Variants in LAMC1 observed in about 807,000 individuals in gnomAD.
The protein encoded by LAMC1 is laminin subunit gamma-1.
LAMC1 carries 38 observed loss-of-function variants against 173.6 expected under a neutral mutation model. That is an observed-to-expected ratio of 0.22 (90% CI 0.17 to 0.29). The LOEUF is 0.29. Ranked by LOEUF, LAMC1 falls within the 10% of genes least tolerant of loss-of-function variation. The pLI, the probability that LAMC1 is intolerant of heterozygous loss-of-function variation, is 1.00. For missense variants in LAMC1, 1,824 were observed against 2,051.8 expected, an observed-to-expected ratio of 0.89 and a Z score of 2.14; for synonymous variants, 746 against 749.1, an observed-to-expected ratio of 1.00 and a Z score of 0.07.
At chr1:183,092,943 C>A (rs1369511005) in intron 1 of LAMC1, among the ~76,000 whole-genome samples, 1 of 152,112 alleles carries the variant, frequency 6.6e-6, no homozygotes, top group African/African-American at 2.4e-5. Flanking sequence ...TTCTTGAACA[C>A]CCCTTTCCCC....
At chr1:183,086,981 C>A (rs1242447344) in intron 1 of LAMC1, among the ~76,000 whole-genome samples, 1 of 152,126 alleles carries the variant, frequency 6.6e-6, no homozygotes, top group East Asian at 1.9e-4. Flanking sequence ...TAGATGTATA[C>A]ATTAAAGTTC....
intron 1 of LAMC1, among the ~76,000 whole-genome samples, chr1:183,050,006 A>C (rs1654373897): frequency 6.6e-6 from 1 of 152,078 alleles, no homozygotes. Context: ...TGCATAATAC[A>C]CTTAGAATCT....
In LAMC1 at chr1:183,116,679, G is replaced by A; in HGVS notation, c.1427+4G>A. On this transcript the variant is annotated splice_donor_region_variant and intron_variant, in intron 7 of 27. Coordinates refer to ENST00000258341, the MANE Select transcript of LAMC1 (RefSeq NM_002293.4). ...TCGAAGGCTTCAATTGTGAAAGGTA[G>A]TGCATTCTTTCTCTAGCTGCATTGT... The A allele has an allele frequency of 6.2e-7, 1 of 1,611,440 alleles. No homozygotes were observed. Among genetic ancestry groups the A allele is most frequent in the Non-Finnish European group, 8.5e-7 (1 of 1,177,656 alleles).
intron 1 of LAMC1, among the ~76,000 whole-genome samples, chr1:183,060,188 G>A (rs910413446): frequency 1.3e-5 from 2 of 152,080 alleles, no homozygotes; most frequent in African/African-American, 2.4e-5. Context: ...CCTTGTGAAT[G>A]TGCCTTTCCC....
chr1:183,142,645 A>G lies in LAMC1; in HGVS notation c.4685A>G (p.Glu1562Gly). 1 of 1,614,180 alleles carries G rather than the reference A, an allele frequency of 6.2e-7. No individual in the cohort carries two copies. Among genetic ancestry groups the G allele is most frequent in the Non-Finnish European group, 8.5e-7 (1 of 1,180,004 alleles). Residue 1562 changes from glutamate to glycine, a missense_variant, in exon 28 of 28, where the codon GAG becomes GGG. Transcript: ENST00000258341. ...SDLDRKVSDL[E>G]NEAKKQEAAI... is the part of the protein sequence containing the mutation. Reference sequence around the variant, plus strand: ...CTTGATAGGAAAGTGTCTGACCTGGAGAATGAAGCCAAGAAGCAGGAGGCT... The same window carrying G: ...CTTGATAGGAAAGTGTCTGACCTGGGGAATGAAGCCAAGAAGCAGGAGGCT...
intron 2 of LAMC1, among the ~76,000 whole-genome samples, chr1:183,106,556 CAT>C (rs1335171188): frequency 3.3e-5 from 5 of 152,174 alleles, no homozygotes; most frequent in African/African-American, 1.2e-4. Flanking sequence ...CTTCTGAAAA[CAT>C]AGATGTCTGC....
chr1:183,048,704 G>A (rs1169382089), intron 1 of LAMC1, among the ~76,000 whole-genome samples: 1 of 152,132 alleles, frequency 6.6e-6, no homozygotes, highest in Non-Finnish European at 1.5e-5. Context: ...TTTATTTTGG[G>A]ATGGTAAAGG....
intron 11 of LAMC1, among the ~76,000 whole-genome samples, chr1:183,118,647 C>T (rs534085687): frequency 3.3e-5 from 5 of 151,406 alleles, no homozygotes; most frequent in East Asian, 1.9e-4. Context: ...CGCTTAAACC[C>T]GGGAGGCAGT....
At chr1:183,125,123 AT>A (rs1196948920) in intron 14 of LAMC1, 1 of 592,570 alleles carries the variant, frequency 1.7e-6, no homozygotes, top group African/African-American at 1.9e-5. Flanking sequence ...TATTTAATAT[AT>A]CCAACATATG....
intron 12 of LAMC1, 38 bp downstream of exon 12, chr1:183,121,982 C>G (rs376901407): frequency 1.9e-6 from 3 of 1,608,738 alleles, no homozygotes; most frequent in Admixed American, 3.3e-5. Flanking sequence ...CCTAACTTCT[C>G]TTTAGCAATT....
chr1:183,038,224 T>TG, intron 1 of LAMC1, among the ~76,000 whole-genome samples: 1 of 152,020 alleles, frequency 6.6e-6, no homozygotes, highest in Admixed American at 6.6e-5. Flanking sequence ...TTAATAAAGA[T>TG]GGGGTTCTAC....
Position 183,023,702 on chromosome 1 carries a change from C to T in LAMC1, c.-15C>T. The T allele has an allele frequency of 8.5e-7, 1 of 1,174,136 alleles. No homozygotes were observed. The highest frequency in any genetic ancestry group is 1.1e-6 in the Non-Finnish European group (1 of 946,688). 72.7% of individuals were successfully genotyped at this position (1,174,136 alleles called of 1,614,324 possible). On this transcript the variant is annotated 5_prime_UTR_variant, in exon 1 of 28. Coordinates refer to ENST00000258341, the MANE Select transcript of LAMC1 (RefSeq NM_002293.4). ...TGCCCTTGCCTTCGCCGTGACCCAG[C>T]GTGCGGGCGGCGGGATGAGAGGGAG...
At chr1:183,129,082 CTTTTT>C (rs201079710) in intron 18 of LAMC1, among the ~76,000 whole-genome samples, 2,447 of 109,862 alleles carry the variant, frequency 0.022, 16 homozygotes, top group African/African-American at 0.076. Flanking sequence ...TCTTCATAAG[CTTTTT>C]TTTTTTTTTT....
chr1:183,039,914 G>A (rs9425571), intron 1 of LAMC1, among the ~76,000 whole-genome samples: 2,423 of 152,250 alleles, frequency 0.016, 68 homozygotes, highest in African/African-American at 0.054. Flanking sequence ...CTGCTTTTTG[G>A]ATTGGGAAAT....
At chr1:183,093,842 CA>C (rs1655627104) in intron 1 of LAMC1, among the ~76,000 whole-genome samples, 1 of 152,188 alleles carries the variant, frequency 6.6e-6, no homozygotes, top group Admixed American at 6.5e-5. Flanking sequence ...GTTCCACCCT[CA>C]AAATATGTCC....
chr1:183,115,664 G>A (rs760015795), intron 6 of LAMC1, 27 bp downstream of exon 6: 1 of 1,427,472 alleles, frequency 7.0e-7, no homozygotes, highest in Non-Finnish European at 9.9e-7. Flanking sequence ...GCCAGAAGAA[G>A]GGGGCAGAAT....
chr1:183,143,542 G>C lies in LAMC1; in HGVS notation c.*752G>C, dbSNP rs1454869224. On this transcript the variant is annotated 3_prime_UTR_variant, in exon 28 of 28. Coordinates refer to ENST00000258341, the MANE Select transcript of LAMC1 (RefSeq NM_002293.4). ...TAATTTAAATCTGGATGGGCAGCTTGCACTCACCAATAGACCAAAAGACAT... is the reference window on the plus strand; with the variant it reads ...TAATTTAAATCTGGATGGGCAGCTTCCACTCACCAATAGACCAAAAGACAT... 6.6e-6 allele frequency: 1 copy of C among 152,538 alleles called. No individual in the cohort carries two copies. Among genetic ancestry groups the C allele is most frequent in the Non-Finnish European group, 1.5e-5 (1 of 68,032 alleles). The allele number at this position is 152,538 out of a possible 1,614,324, so 9.4% of individuals were successfully genotyped here.
chr1:183,073,505 T>C (rs555044204), intron 1 of LAMC1, among the ~76,000 whole-genome samples: 108 of 152,110 alleles, frequency 7.1e-4, no homozygotes, highest in Non-Finnish European at 1.3e-3. Flanking sequence ...ATCATCTGTG[T>C]AAAGGGAAAA....
rs200553624 is a variant in LAMC1 at position 183,029,205 on chromosome 1, C to T, written c.418+5071C>T. On this transcript the variant is annotated intron_variant, in intron 1 of 27. Coordinates refer to ENST00000258341, the MANE Select transcript of LAMC1 (RefSeq NM_002293.4). ...CCCACCAATCGTTACTATAATCTGT[C>T]CAAGACTCTACTCTTACCTTCTATA... Among the ~76,000 whole-genome samples, 18 of 152,292 alleles carry T rather than the reference C, an allele frequency of 1.2e-4. No individual in the cohort carries two copies. In the East Asian group the frequency reaches 3.3e-3, roughly 28 times the overall value.
Sources: allele counts gnomAD v4.1 joint callset (sites outside exome capture counted in the v4.1 genomes callset), GRCh38; gene constraint gnomAD v4.1.1; transcripts MANE v1.5; gene names NCBI Gene and HGNC (gene_info 2026-07-23, HGNC 2026-07-21).